Variants in CFAP61 observed in about 807,000 individuals in gnomAD.
CFAP61 encodes the protein cilia- and flagella-associated protein 61.
CFAP61 carries 107 observed loss-of-function variants against 135.6 expected under a neutral mutation model. The ratio of observed to expected loss-of-function variants is 0.79; its 90% CI spans 0.67 to 0.93. CFAP61 has a LOEUF of 0.93. Ranked by LOEUF, CFAP61 falls within the 40% of genes least tolerant of loss-of-function variation. The probability of loss-of-function intolerance (pLI) is 0.00; values close to 1 mark genes in which losing one functional copy is unlikely to be tolerated. For missense variants in CFAP61, 1,507 were observed against 1,556.2 expected (o/e 0.97, Z 0.53); for synonymous variants, 575 against 578.5 (o/e 0.99, Z 0.09).
rs998611458 is a variant in CFAP61, at chr20:20,322,972, A to G, written c.3423-18859A>G. 5 of 985,288 alleles carry G rather than the reference A, an allele frequency of 5.1e-6. No homozygotes were observed. The African/African-American group carries it at 8.7e-5, about 17-fold the overall frequency. 61.0% of individuals were successfully genotyped at this position (985,288 alleles called of 1,614,324 possible). A position where few individuals can be genotyped will look rare whatever the true frequency, so the allele number is the denominator to read the frequency against. On this transcript the variant is annotated intron_variant, in intron 25 of 26. Coordinates refer to ENST00000245957, the MANE Select transcript of CFAP61 (RefSeq NM_015585.4). Reference sequence around the variant, plus strand: ...TTCCAGGGTTGAGACTGTTAAAGTTATCATAATAATGACTTTGTTTTCAAT... The same window carrying G: ...TTCCAGGGTTGAGACTGTTAAAGTTGTCATAATAATGACTTTGTTTTCAAT...
rs6112840 is a variant in CFAP61, at chr20:20,262,136, C to T, written c.2329-820C>T. Among the ~76,000 whole-genome samples the T allele has an allele frequency of 3.3e-3, 500 of 152,302 alleles. 5 individuals are homozygous for T. Among genetic ancestry groups the T allele is most frequent in the African/African-American group, 0.011 (454 of 41,568 alleles). On this transcript the variant is annotated intron_variant, in intron 20 of 26. Coordinates refer to ENST00000245957, the MANE Select transcript of CFAP61 (RefSeq NM_015585.4). ...TTATTTTTGCCAAAAATGGCCACCA[C>T]ATCCAATGCATTCCCATGTCCTCTT... is the stretch of plus-strand genomic sequence containing the variant.
chr20:20,201,477 T>C (rs989528568), intron 17 of CFAP61, among the ~76,000 whole-genome samples: 18 of 152,176 alleles, frequency 1.2e-4, no homozygotes, highest in Non-Finnish European at 2.4e-4. Context: ...AGTAGCAGGG[T>C]CCACAGCACT....
chr20:20,092,694 T>G (rs1485461990), intron 7 of CFAP61, among the ~76,000 whole-genome samples: 1 of 143,576 alleles, frequency 7.0e-6, no homozygotes, highest in Non-Finnish European at 1.5e-5. Context: ...TTAAAAAAAA[T>G]GAATAAATAA....
At chr20:20,316,204 A>T (rs1334465145) in intron 25 of CFAP61, among the ~76,000 whole-genome samples, 3 of 151,942 alleles carry the variant, frequency 2.0e-5, no homozygotes, top group African/African-American at 2.4e-5. Context: ...TTGTATCCTC[A>T]TTTATTTCCT....
At chr20:20,318,426 C>A (rs73118471) in intron 25 of CFAP61, among the ~76,000 whole-genome samples, 43,522 of 152,108 alleles carry the variant, frequency 0.29, 6,634 homozygotes, top group South Asian at 0.41. Context: ...AGTCAGGAAT[C>A]TTGTCTGCAA....
chr20:20,330,332 T>A (rs1201994288), intron 25 of CFAP61, among the ~76,000 whole-genome samples: 1 of 151,950 alleles, frequency 6.6e-6, no homozygotes, highest in Non-Finnish European at 1.5e-5. Flanking sequence ...AGACTAGCCG[T>A]TTTTTGTTTG....
chr20:20,076,917 A>G (rs1278165544), intron 6 of CFAP61, among the ~76,000 whole-genome samples: 2 of 152,118 alleles, frequency 1.3e-5, no homozygotes, highest in Non-Finnish European at 2.9e-5. Context: ...GTGTAAGCGT[A>G]TTGTCTACAG....
At chr20:20,143,347 A>G (rs2051577758) in intron 9 of CFAP61, among the ~76,000 whole-genome samples, 1 of 152,166 alleles carries the variant, frequency 6.6e-6, no homozygotes, top group South Asian at 2.1e-4. Context: ...GTCCCTGCAG[A>G]CATGGAAACA....
intron 8 of CFAP61, among the ~76,000 whole-genome samples, chr20:20,104,472 C>T (rs1435803806): frequency 6.6e-6 from 1 of 152,168 alleles, no homozygotes; most frequent in Non-Finnish European, 1.5e-5. Context: ...GTCTTTTCGC[C>T]TCTCTTCCTA....
At chr20:20,170,303 C>T (rs187812706) in intron 13 of CFAP61, among the ~76,000 whole-genome samples, 21 of 152,164 alleles carry the variant, frequency 1.4e-4, no homozygotes, top group African/African-American at 4.8e-4. Flanking sequence ...TTTTGAACCA[C>T]CTGATTTTAT....
intron 17 of CFAP61, among the ~76,000 whole-genome samples, chr20:20,211,306 C>T (rs2047620027): frequency 6.6e-6 from 1 of 152,214 alleles, no homozygotes; most frequent in Admixed American, 6.5e-5. Flanking sequence ...CTCTGTGTTC[C>T]ATTAGAGAAG....
At position 20,246,119 on chromosome 20, in the gene CFAP61, C is replaced by G. The variant is rs2050436440; in HGVS notation, c.2063C>G (p.Ser688Cys). 1.3e-6 allele frequency: 2 copies of G among 1,595,062 alleles called. No homozygotes were observed. The highest frequency in any genetic ancestry group is 1.7e-6 in the Non-Finnish European group (2 of 1,166,506). The change falls in exon 19 of 27, where the codon TCT becomes TGT. Residue 688 changes from serine (S) to cysteine (C), a missense_variant and splice_region_variant. Coordinates refer to ENST00000245957, the MANE Select transcript of CFAP61 (RefSeq NM_015585.4). Reference protein sequence around the residue: ...ISFLETLVFCSHMKFNNLTLI... With the variant: ...ISFLETLVFCCHMKFNNLTLI... The stretch of plus-strand genomic sequence containing the variant: ...TTTTCATTTTTCTTTTTCTTTAGCT[C>G]TCACATGAAGTTTAATAATCTTACC...
intron 13 of CFAP61, among the ~76,000 whole-genome samples, chr20:20,174,758 T>C (rs2054481935): frequency 3.0e-5 from 1 of 33,624 alleles, no homozygotes; most frequent in South Asian, 8.6e-4. Context: ...CAGCAATGTT[T>C]GTATTAAAAA....
intron 9 of CFAP61, among the ~76,000 whole-genome samples, chr20:20,153,513 C>A (rs1205062274): frequency 6.6e-6 from 1 of 152,042 alleles, no homozygotes; most frequent in Non-Finnish European, 1.5e-5. Context: ...CAAATAGCCT[C>A]AATTAGAAAT....
chr20:20,053,803 A>G (rs2043986923), intron 1 of CFAP61, among the ~76,000 whole-genome samples: 1 of 152,170 alleles, frequency 6.6e-6, no homozygotes, highest in Admixed American at 6.5e-5. Flanking sequence ...AAATAAATAA[A>G]TATTAAAAAG....
intron 17 of CFAP61, chr20:20,221,859 A>G (rs2048425556): frequency 6.6e-6 from 1 of 152,248 alleles, no homozygotes; most frequent in Admixed American, 6.5e-5. Context: ...GAACACAACA[A>G]TAAGCATTCA....
intron 26 of CFAP61, among the ~76,000 whole-genome samples, chr20:20,351,610 A>C (rs1396295888): frequency 6.6e-6 from 1 of 152,156 alleles, no homozygotes; most frequent in Non-Finnish European, 1.5e-5. Context: ...CTAACAATAA[A>C]CTATCTGAAA....
intron 21 of CFAP61, 110 bp downstream of exon 21, chr20:20,263,240 C>G: frequency 1.4e-6 from 1 of 695,838 alleles, no homozygotes; most frequent in Non-Finnish European, 2.2e-6. Context: ...TAATTCCAAC[C>G]AAATCATTCA....
intron 9 of CFAP61, among the ~76,000 whole-genome samples, chr20:20,152,211 A>G (rs1366347383): frequency 6.6e-6 from 1 of 152,200 alleles, no homozygotes; most frequent in Non-Finnish European, 1.5e-5. Context: ...AAATACTAAA[A>G]AAAGTTCTAA....
Sources: gnomAD v4.1 joint callset for allele counts (sites outside exome capture counted in the v4.1 genomes callset) on GRCh38, gnomAD v4.1.1 for gene constraint, MANE v1.5 for transcripts, NCBI Gene and HGNC (gene_info 2026-07-23, HGNC 2026-07-21) for gene names.